The following RIN3 variants were observed in gnomAD, a reference collection of about 807,000 sequenced individuals.
The protein encoded by RIN3 is RAB5 interacting protein 3.
In RIN3, 54 loss-of-function variants were observed where a neutral mutation model predicts 76.3. That is an observed-to-expected ratio of 0.71 (90% CI 0.57 to 0.89). RIN3 has a LOEUF of 0.89. RIN3 is among the 40% of genes least tolerant of loss of function. RIN3 has a pLI of 0.00. For synonymous variants in RIN3, 576 were observed against 564.0 expected (o/e 1.02, Z -0.30); for missense variants, 1,256 against 1,322.1 (o/e 0.95, Z 0.78).
intron 1 of RIN3, among the ~76,000 whole-genome samples, chr14:92,526,855 C>T (rs1896746464): frequency 6.6e-6 from 1 of 152,056 alleles, no homozygotes; most frequent in South Asian, 2.1e-4. Flanking sequence ...TCTCTCAAAG[C>T]CTTGGAGGCC....
At position 92,555,737 on chromosome 14, in the gene RIN3, AT is replaced by A; in HGVS notation, c.45-12del. 4 of 1,613,798 alleles carry A rather than the reference AT, an allele frequency of 2.5e-6. No individual in the cohort carries two copies. Among genetic ancestry groups the A allele is most frequent in the Non-Finnish European group, 3.4e-6 (4 of 1,179,784 alleles). The stretch of plus-strand genomic sequence containing the variant: ...TGGCTGCAGGATAGCTGATCATTGA[AT>A]TCTGTTTTTCAGTCCGGTTCCAGTT... On this transcript the variant is annotated splice_polypyrimidine_tract_variant and intron_variant, in intron 1 of 9. Transcript: ENST00000216487.
chr14:92,641,411 C>A, intron 5 of RIN3, 82 bp downstream of exon 5: 1 of 1,027,236 alleles, frequency 9.7e-7, no homozygotes, highest in Non-Finnish European at 1.5e-6. Context: ...GCCGCCTGTG[C>A]AGAGGGACAG....
intron 3 of RIN3, among the ~76,000 whole-genome samples, chr14:92,589,786 G>C (rs1052178331): frequency 7.9e-5 from 12 of 152,212 alleles, no homozygotes; most frequent in Non-Finnish European, 1.3e-4. Flanking sequence ...TGGGTGTTCA[G>C]GATTAGAAAA....
chr14:92,582,619 A>C (rs1884596921), intron 3 of RIN3, among the ~76,000 whole-genome samples: 1 of 151,826 alleles, frequency 6.6e-6, no homozygotes, highest in Admixed American at 6.6e-5. Flanking sequence ...CGTCCGGCTA[A>C]TTTTTGTGTA....
Position 92,688,284 on chromosome 14 carries a change from G to A in RIN3, c.*32G>A. The A allele has an allele frequency of 6.6e-7, 1 of 1,505,250 alleles. No homozygotes were observed. The highest frequency in any genetic ancestry group is 8.9e-7 in the Non-Finnish European group (1 of 1,127,018). The allele number at this position is 1,505,250 out of a possible 1,614,324, so 93.2% of individuals were successfully genotyped here. ...CCCGGGGCGCCTCCCCTCACCCCCA[G>A]GCGCACGTCTGGCCCCGCCTCTGGC... On this transcript the variant is annotated 3_prime_UTR_variant, in exon 10 of 10. Transcript: ENST00000216487.
At chr14:92,552,413 A>G (rs1245223578) in intron 1 of RIN3, among the ~76,000 whole-genome samples, 1 of 152,254 alleles carries the variant, frequency 6.6e-6, no homozygotes, top group Admixed American at 6.5e-5. Flanking sequence ...ATTCTTGCCA[A>G]GGAAGCCTGA....
At chr14:92,639,162 G>C (rs8017636) in intron 4 of RIN3, among the ~76,000 whole-genome samples, 14,781 of 152,306 alleles carry the variant, frequency 0.097, 905 homozygotes, top group Middle Eastern at 0.2. Flanking sequence ...GCCCAGACCC[G>C]TTCCAGGAGC....
chr14:92,654,313 TAA>T (rs35920629), intron 6 of RIN3, among the ~76,000 whole-genome samples: 44 of 131,008 alleles, frequency 3.4e-4, no homozygotes, highest in Admixed American at 3.1e-4. Flanking sequence ...AAACTCTGTC[TAA>T]AAAAAAAAAA....
At chr14:92,594,724 G>A (rs1472116796) in intron 3 of RIN3, among the ~76,000 whole-genome samples, 2 of 152,166 alleles carry the variant, frequency 1.3e-5, no homozygotes, top group Non-Finnish European at 2.9e-5. Flanking sequence ...AGAAAACCTG[G>A]TTTTATATTT....
At chr14:92,594,539 T>C (rs1404848644) in intron 3 of RIN3, among the ~76,000 whole-genome samples, 1 of 152,040 alleles carries the variant, frequency 6.6e-6, no homozygotes, top group Admixed American at 6.6e-5. Context: ...CCAAAAGTAC[T>C]TGGAGATTTA....
At chr14:92,567,002 A>G (rs561412815) in intron 2 of RIN3, among the ~76,000 whole-genome samples, 30 of 152,274 alleles carry the variant, frequency 2.0e-4, no homozygotes, top group African/African-American at 7.0e-4. Flanking sequence ...GCTAGAGGTT[A>G]TGTATTGTAG....
chr14:92,586,966 G>A (rs977352868), intron 3 of RIN3, among the ~76,000 whole-genome samples: 11 of 152,206 alleles, frequency 7.2e-5, no homozygotes, highest in African/African-American at 2.7e-4. Flanking sequence ...CTGCATCAGG[G>A]CTCAGAGGCA....
intron 2 of RIN3, among the ~76,000 whole-genome samples, chr14:92,577,097 A>G (rs1056866872): frequency 6.6e-6 from 1 of 152,156 alleles, no homozygotes; most frequent in Non-Finnish European, 1.5e-5. Context: ...TGTGCCTCCA[A>G]TACCCTTATA....
intron 3 of RIN3, among the ~76,000 whole-genome samples, chr14:92,581,994 G>A (rs540593712): frequency 6.6e-6 from 1 of 152,330 alleles, no homozygotes; most frequent in South Asian, 2.1e-4. Context: ...GCACCCGGGG[G>A]ATGGTGGAGG....
At chr14:92,622,587 T>C (rs1452908302) in intron 4 of RIN3, among the ~76,000 whole-genome samples, 2 of 152,168 alleles carry the variant, frequency 1.3e-5, no homozygotes, top group African/African-American at 4.8e-5. Flanking sequence ...GAGAACAGGA[T>C]TTTCTTATCC....
At chr14:92,603,444 C>T (rs1885415108) in intron 3 of RIN3, among the ~76,000 whole-genome samples, 1 of 152,106 alleles carries the variant, frequency 6.6e-6, no homozygotes, top group South Asian at 2.1e-4. Flanking sequence ...GTCGGGGAGG[C>T]CTTCAGCTTT....
chr14:92,554,208 C>G (rs949964642), intron 1 of RIN3, among the ~76,000 whole-genome samples: 1 of 152,192 alleles, frequency 6.6e-6, no homozygotes, highest in Non-Finnish European at 1.5e-5. Flanking sequence ...CCACCCAACT[C>G]AGGATGCGAG....
chr14:92,647,848 T>C (rs1887256474), intron 5 of RIN3, among the ~76,000 whole-genome samples: 2 of 151,990 alleles, frequency 1.3e-5, no homozygotes, highest in South Asian at 4.2e-4. Context: ...TGGCAAGAGG[T>C]GTCCCCAGCC....
chr14:92,578,240 A>G (rs1898316304), intron 3 of RIN3, among the ~76,000 whole-genome samples: 2 of 151,956 alleles, frequency 1.3e-5, no homozygotes, highest in Non-Finnish European at 2.9e-5. Flanking sequence ...GGCCTAAAAA[A>G]AAAAAAAAAG....
Sources: gnomAD v4.1 joint callset for allele counts (sites outside exome capture counted in the v4.1 genomes callset) on GRCh38, gnomAD v4.1.1 for gene constraint, MANE v1.5 for transcripts, NCBI Gene and HGNC (gene_info 2026-07-23, HGNC 2026-07-21) for gene names.